ATM: variants seen among roughly 807,000 people sequenced by gnomAD.
ATM encodes the protein serine-protein kinase ATM.
A neutral mutation model predicts 387.0 loss-of-function variants in ATM; 308 were observed. The ratio of observed to expected loss-of-function variants is 0.80; its 90% CI spans 0.73 to 0.87. ATM has a LOEUF of 0.87. Among genes scored for constraint, ATM ranks in the 40% least tolerant of loss-of-function variants. The pLI is 0.00. For synonymous variants in ATM, 1,156 were observed against 1,187.3 expected (o/e 0.97, Z 0.54); for missense variants, 3,312 against 3,560.9 (o/e 0.93, Z 1.78).
At position 108,335,921 on chromosome 11, in the gene ATM, C is replaced by G. The variant is rs730881321; in HGVS notation, c.8228C>G (p.Thr2743Arg). The stretch of plus-strand genomic sequence containing the variant: ...TGTAATACATTACTGCAGAGAAACA[C>G]GGAAACTAGGAAGAGGAAATTAACT... ...QMCNTLLQRN[T>R]ETRKRKLTIC... Residue 2743 changes from threonine to arginine, a missense_variant, in exon 56 of 63, where the codon ACG (threonine) becomes AGG (arginine). By Grantham distance (71) the Thr-to-Arg change is moderately conservative. Around this residue, in one of 4 missense-constraint regions of ATM, gnomAD observed 1,405 missense variants for 1,604.4 expected, o/e 0.88. Transcript: ENST00000675843. The G allele has an allele frequency of 6.2e-7, 1 of 1,613,804 alleles. No individual in the cohort carries two copies. The highest frequency in any genetic ancestry group is 8.5e-7 in the Non-Finnish European group (1 of 1,179,830).
chr11:108,328,273 GTC>G (rs1335330729), intron 48 of ATM, among the ~76,000 whole-genome samples: 2 of 152,068 alleles, frequency 1.3e-5, no homozygotes, highest in South Asian at 2.1e-4. Context: ...TTGAGATGAA[GTC>G]TCTCTCTGTC....
Position 108,335,123 on chromosome 11 carries a change from T to C in ATM, c.8151+14T>C. ...CAGCTTGTTAAGGTGAGCCTTCCCT[T>C]CTCTGGCTTAGCCCTTAGAGTTTTA... is the stretch of plus-strand genomic sequence containing the variant. On this transcript the variant is annotated intron_variant, in intron 55 of 62. Coordinates refer to ENST00000675843, the MANE Select transcript of ATM (RefSeq NM_000051.4). 6.2e-7 allele frequency: 1 copy of C among 1,613,980 alleles called. No individual in the cohort carries two copies. The highest frequency in any genetic ancestry group is 8.5e-7 in the Non-Finnish European group (1 of 1,179,924).
chr11:108,260,808 C>G (rs567853188), intron 16 of ATM, among the ~76,000 whole-genome samples: 1 of 152,198 alleles, frequency 6.6e-6, no homozygotes, highest in Non-Finnish European at 1.5e-5. Flanking sequence ...CGAAGCAGGG[C>G]GAGGCATTGC....
At chr11:108,265,033 A>G (rs1286083563) in intron 16 of ATM, among the ~76,000 whole-genome samples, 3 of 144,338 alleles carry the variant, frequency 2.1e-5, no homozygotes, top group Non-Finnish European at 4.5e-5. Flanking sequence ...GGAAGAATCA[A>G]TATTGTGAAA....
intron 49 of ATM, 123 bp downstream of exon 49, chr11:108,329,361 A>C (rs747430920): frequency 9.7e-5 from 86 of 887,482 alleles, no homozygotes; most frequent in Non-Finnish European, 1.4e-4. Flanking sequence ...GGTCGGCTTA[A>C]CTATATATAG....
At chr11:108,235,970 T>C (rs2135129573) in intron 5 of ATM, 136 bp downstream of exon 5, 1 of 924,220 alleles carries the variant, frequency 1.1e-6, no homozygotes. Flanking sequence ...AATTATATGG[T>C]TATCGAACTG....
At chr11:108,292,298 T>A (rs965304897) in intron 29 of ATM, among the ~76,000 whole-genome samples, 10 of 152,242 alleles carry the variant, frequency 6.6e-5, no homozygotes, top group African/African-American at 2.2e-4. Flanking sequence ...GCTTTCCTGC[T>A]GTTTTTCAGT....
At chr11:108,333,620 G>T (rs2086515665) in intron 53 of ATM, among the ~76,000 whole-genome samples, 1 of 152,198 alleles carries the variant, frequency 6.6e-6, no homozygotes, top group African/African-American at 2.4e-5. Flanking sequence ...ATTATTTTAA[G>T]ATGTTTAGTC....
intron 5 of ATM, among the ~76,000 whole-genome samples, chr11:108,243,588 G>A (rs1475981499): frequency 1.3e-5 from 2 of 152,138 alleles, no homozygotes; most frequent in African/African-American, 2.4e-5. Context: ...ACTCCAGCCT[G>A]GACGACAGAG....
chr11:108,335,371 GCTT>G (rs2086725011), intron 55 of ATM: 3 of 1,113,388 alleles, frequency 2.7e-6, no homozygotes, highest in East Asian at 3.3e-5. Context: ...CAGTGAGGTT[GCTT>G]CTTATGAAAA....
At chr11:108,238,661 A>T (rs1453532935) in intron 5 of ATM, among the ~76,000 whole-genome samples, 1 of 152,134 alleles carries the variant, frequency 6.6e-6, no homozygotes, top group Admixed American at 6.6e-5. Flanking sequence ...TAAATCTAGT[A>T]GCTTTCTTTG....
chr11:108,278,028 A>C (rs2082039472), intron 22 of ATM, among the ~76,000 whole-genome samples: 1 of 152,200 alleles, frequency 6.6e-6, no homozygotes, highest in Admixed American at 6.5e-5. Flanking sequence ...GTTTTAAAAT[A>C]AATGAATGTA....
chr11:108,258,540 C>T (rs1056613708), intron 15 of ATM, among the ~76,000 whole-genome samples: 16 of 152,142 alleles, frequency 1.1e-4, no homozygotes, highest in African/African-American at 3.4e-4. Flanking sequence ...TGTGTTTAAT[C>T]TTTGTTTTTA....
chr11:108,264,230 C>T (rs1323891123), intron 16 of ATM, among the ~76,000 whole-genome samples: 1 of 151,942 alleles, frequency 6.6e-6, no homozygotes, highest in Non-Finnish European at 1.5e-5. Context: ...CAAAAATCCT[C>T]AATAAAATAC....
chr11:108,258,920 A>C (rs1349930040), intron 15 of ATM, 66 bp from the exon 16 acceptor site: 3 of 1,317,508 alleles, frequency 2.3e-6, no homozygotes, highest in Non-Finnish European at 2.2e-6. Context: ...TAGAGAAAAC[A>C]CTGTCTGCCA....
intron 12 of ATM, 42 bp downstream of exon 12, chr11:108,252,954 C>A (rs1486828968): frequency 2.0e-6 from 3 of 1,481,928 alleles, no homozygotes; most frequent in Non-Finnish European, 1.9e-6. Context: ...TAAGCTATAG[C>A]TTTAATTACA....
At chr11:108,252,989 T>A in intron 12 of ATM, 77 bp downstream of exon 12, 1 of 1,239,760 alleles carries the variant, frequency 8.1e-7, no homozygotes, top group Non-Finnish European at 1.2e-6. Context: ...AGCTGGGTAG[T>A]AGCTGCATCT....
At chr11:108,355,790 T>A (rs1430692044) in intron 61 of ATM, 2 of 152,246 alleles carry the variant, frequency 1.3e-5, no homozygotes, top group Non-Finnish European at 2.9e-5. Flanking sequence ...ATGAGAACTG[T>A]CTTAATTCAT....
chr11:108,244,475 G>A (rs528641506), intron 6 of ATM, among the ~76,000 whole-genome samples: 8 of 152,062 alleles, frequency 5.3e-5, no homozygotes, highest in African/African-American at 1.7e-4. Context: ...CATTAGTATG[G>A]CAGTACTCAA....
Sources: gnomAD v4.1 joint callset for allele counts (sites outside exome capture counted in the v4.1 genomes callset) on GRCh38, gnomAD v4.1.1 for gene constraint, gnomAD v4.1.1 regional missense constraint, MANE v1.5 for transcripts, NCBI Gene and HGNC (gene_info 2026-07-23, HGNC 2026-07-21) for gene names.